The following VAX2 variants were observed in gnomAD, a reference collection of about 807,000 sequenced individuals.
VAX2 encodes the protein ventral anterior homeobox 2.
VAX2 carries 8 observed loss-of-function variants against 12.5 expected under a neutral mutation model. The ratio of observed to expected loss-of-function variants is 0.64; its 90% CI spans 0.37 to 1.15. VAX2 has a LOEUF of 1.15. Among genes scored for constraint, VAX2 ranks in the 50% most tolerant of loss-of-function variants. The pLI is 0.01. For missense variants in VAX2, 476 were observed against 412.9 expected, an observed-to-expected ratio of 1.15 and a Z score of -1.32; for synonymous variants, 183 against 187.6, an observed-to-expected ratio of 0.98 and a Z score of 0.20.
chr2:70,901,410 T>A (rs1678921937), intron 1 of VAX2, among the ~76,000 whole-genome samples: 2 of 152,292 alleles, frequency 1.3e-5, no homozygotes, highest in African/African-American at 4.8e-5. Context: ...GAGGGTGGCG[T>A]GCGCGGCGCT....
In VAX2 at chr2:70,900,823, C is replaced by A; in HGVS notation, c.202C>A (p.Pro68Thr). ...GAGTGGAGCCGACAGCGACGGGCAGCCCGGGCCCGGCGAGGCAGACCACTG... is the reference window on the plus strand; with the variant it reads ...GAGTGGAGCCGACAGCGACGGGCAGACCGGGCCCGGCGAGGCAGACCACTG... ...RESGADSDGQPGPGEADHCRR... is the reference protein window; with the variant it reads ...RESGADSDGQTGPGEADHCRR... The change falls in exon 1 of 3, where the codon CCC becomes ACC. Residue 68 changes from proline to threonine, a missense_variant. By Grantham distance (38) the Pro-to-Thr change is conservative (BLOSUM62 -1). Coordinates refer to ENST00000234392, the MANE Select transcript of VAX2 (RefSeq NM_012476.3). The A allele has an allele frequency of 6.7e-7, 1 of 1,481,508 alleles. No homozygotes were observed. The highest frequency in any genetic ancestry group is 9.0e-7 in the Non-Finnish European group (1 of 1,116,342). The allele number at this position is 1,481,508 out of a possible 1,614,324, so 91.8% of individuals were successfully genotyped here. A position where few individuals can be genotyped will look rare whatever the true frequency, so the allele number is the denominator to read the frequency against.
intron 2 of VAX2, among the ~76,000 whole-genome samples, chr2:70,922,245 CATT>C (rs1185657640): frequency 6.6e-6 from 1 of 152,188 alleles, no homozygotes; most frequent in Non-Finnish European, 1.5e-5. Context: ...TCAATACATG[CATT>C]GTAAACGACG....
rs782446663 is a variant in VAX2, at chr2:70,921,183, C to T, written c.333C>T (p.Ala111=). The T allele has an allele frequency of 1.9e-5, 31 of 1,613,618 alleles. No homozygotes were observed. The highest frequency in any genetic ancestry group is 8.0e-5 in the African/African-American group (6 of 74,898). ...RPKRTRTSFT[A]EQLYRLEMEF... The stretch of plus-strand genomic sequence containing the variant: ...AGCGGACACGTACATCCTTCACTGC[C>T]GAGCAGCTGTACCGCCTGGAGATGG... Residue 111 remains alanine, a synonymous_variant, in exon 2 of 3, where the codon GCC becomes GCT. Coordinates refer to ENST00000234392, the MANE Select transcript of VAX2 (RefSeq NM_012476.3).
intron 1 of VAX2, among the ~76,000 whole-genome samples, chr2:70,903,122 A>G (rs1279179958): frequency 1.3e-5 from 2 of 152,150 alleles, no homozygotes; most frequent in Admixed American, 1.3e-4. Context: ...GGCTCTGATC[A>G]ATGAAACAGG....
intron 1 of VAX2, among the ~76,000 whole-genome samples, chr2:70,911,487 T>G (rs1398446480): frequency 6.6e-6 from 1 of 152,168 alleles, no homozygotes; most frequent in Admixed American, 6.5e-5. Flanking sequence ...AAAGGAACAG[T>G]GCATTTTAAG....
intron 1 of VAX2, 51 bp downstream of exon 1, chr2:70,900,919 ACTGGGG>A (rs1678909197): frequency 7.8e-7 from 1 of 1,283,672 alleles, no homozygotes; most frequent in Non-Finnish European, 9.9e-7. Context: ...CCCTACCCAT[ACTGGGG>A]CCCCCGACCT....
chr2:70,931,786 T>TG (rs1211596310), intron 2 of VAX2, among the ~76,000 whole-genome samples: 3 of 152,278 alleles, frequency 2.0e-5, no homozygotes, highest in South Asian at 2.1e-4. Flanking sequence ...AAGCGGCCAA[T>TG]GGGGGGCTAT....
Position 70,917,178 on chromosome 2 carries a change from C to T in VAX2, c.248-3920C>T, listed in dbSNP as rs548456287. On this transcript the variant is annotated intron_variant, in intron 1 of 2. Transcript: ENST00000234392. ...AAAAAAAAAAAAAAAAAAAATCAGC[C>T]GCGCATGGTGGCAGGTGCCTGTAAC... 6.7e-4 allele frequency among the ~76,000 whole-genome samples: 82 copies of T among 122,022 alleles called. No homozygotes were observed. The East Asian group carries it at 0.012, about 18-fold the overall frequency. The allele number at this position is 122,022 out of a possible 152,430, so 80.1% of individuals were successfully genotyped here.
At chr2:70,913,676 AAAATAAAT>A (rs70956996) in intron 1 of VAX2, among the ~76,000 whole-genome samples, 1,995 of 148,306 alleles carry the variant, frequency 0.013, 34 homozygotes, top group African/African-American at 0.034. Flanking sequence ...ACTCCGACTC[AAAATAAAT>A]AAATAAATAA....
At chr2:70,917,483 A>G (rs1201174167) in intron 1 of VAX2, among the ~76,000 whole-genome samples, 1 of 152,066 alleles carries the variant, frequency 6.6e-6, no homozygotes, top group Non-Finnish European at 1.5e-5. Context: ...CCTACCAGCA[A>G]TGTAAGAGAG....
At chr2:70,920,758 A>T (rs899306025) in intron 1 of VAX2, among the ~76,000 whole-genome samples, 2 of 152,096 alleles carry the variant, frequency 1.3e-5, no homozygotes, top group Non-Finnish European at 2.9e-5. Flanking sequence ...TATGTACTTG[A>T]GGACCCAGCA....
intron 1 of VAX2, among the ~76,000 whole-genome samples, chr2:70,907,965 C>T (rs781940741): frequency 3.2e-4 from 49 of 152,184 alleles, no homozygotes; most frequent in Admixed American, 2.6e-4. Context: ...ATTAAGTATT[C>T]CTTTAGTTGG....
Position 70,921,095 on chromosome 2 carries a change from C to T in VAX2, c.248-3C>T. On this transcript the variant is annotated splice_region_variant and splice_polypyrimidine_tract_variant and intron_variant, in intron 1 of 2. Coordinates refer to ENST00000234392, the MANE Select transcript of VAX2 (RefSeq NM_012476.3). The stretch of plus-strand genomic sequence containing the variant: ...AAGCTGGCTCCTTTCATGGCCTCTG[C>T]AGATGCCAAAGGGACAATTCGGGAA... 2 of 1,586,816 alleles carry T rather than the reference C, an allele frequency of 1.3e-6. No homozygotes were observed. The highest frequency in any genetic ancestry group is 1.2e-5 in the South Asian group (1 of 86,734).
At chr2:70,901,797 C>T (rs1404701833) in intron 1 of VAX2, among the ~76,000 whole-genome samples, 2 of 152,214 alleles carry the variant, frequency 1.3e-5, no homozygotes, top group African/African-American at 4.8e-5. Context: ...TCAGCCCGAC[C>T]CCAGGCCGCG....
Position 70,904,774 on chromosome 2 carries a change from G to A in VAX2, c.247+3906G>A, listed in dbSNP as rs1679011843. On this transcript the variant is annotated intron_variant, in intron 1 of 2. Transcript: ENST00000234392. This position sits in a 1 kb window ranked among gnomAD's most constrained non-coding sequence, Gnocchi z 4.2. Reference sequence around the variant, plus strand: ...GGGCTGAGGGGACGCGTGAAGCCCAGGCCTCTTGCTTGGGCTGGGCGATTC... The same window carrying A: ...GGGCTGAGGGGACGCGTGAAGCCCAAGCCTCTTGCTTGGGCTGGGCGATTC... Among the ~76,000 whole-genome samples the A allele has an allele frequency of 6.6e-6, 1 of 152,260 alleles. No individual in the cohort carries two copies. Among genetic ancestry groups the A allele is most frequent in the African/African-American group, 2.4e-5 (1 of 41,470 alleles).
At chr2:70,931,907 C>T (rs1330707411) in intron 2 of VAX2, among the ~76,000 whole-genome samples, 1 of 152,230 alleles carries the variant, frequency 6.6e-6, no homozygotes, top group African/African-American at 2.4e-5. Flanking sequence ...CTAGATGTTA[C>T]AGTTTAGACC....
intron 2 of VAX2, among the ~76,000 whole-genome samples, chr2:70,931,126 C>A (rs1305633936): frequency 2.0e-5 from 3 of 152,224 alleles, no homozygotes; most frequent in African/African-American, 7.2e-5. Context: ...GGTTTTGTGG[C>A]CCCCAGGGGA....
At chr2:70,930,687 G>C (rs1394405751) in intron 2 of VAX2, among the ~76,000 whole-genome samples, 1 of 152,242 alleles carries the variant, frequency 6.6e-6, no homozygotes, top group Non-Finnish European at 1.5e-5. Flanking sequence ...GGCCCAGTCT[G>C]TCTTGGCTCT....
intron 1 of VAX2, among the ~76,000 whole-genome samples, chr2:70,910,237 G>C (rs1679152869): frequency 6.6e-6 from 1 of 152,030 alleles, no homozygotes. Context: ...TTGAAATTGG[G>C]GGATAGGTAT....
Sources: gnomAD v4.1 joint callset for allele counts (sites outside exome capture counted in the v4.1 genomes callset) on GRCh38, gnomAD v4.1.1 for gene constraint, Gnocchi (gnomAD v3.1) non-coding constraint, MANE v1.5 for transcripts, NCBI Gene and HGNC (gene_info 2026-07-23, HGNC 2026-07-21) for gene names.